The following UBE3C variants were observed in gnomAD, a reference collection of about 807,000 sequenced individuals.
The protein encoded by UBE3C is ubiquitin-protein ligase E3C.
Under a neutral mutation model 129.4 loss-of-function variants are expected in UBE3C, and 42 were observed. The observed-to-expected ratio is 0.32, with a 90% CI of 0.25 to 0.42. The LOEUF (loss-of-function observed/expected upper bound fraction) is 0.42, where lower values mean the gene tolerates loss of function less well. Among genes scored for constraint, UBE3C ranks in the 10% least tolerant of loss-of-function variants. UBE3C has a pLI of 1.00. For synonymous variants in UBE3C, 510 were observed against 492.4 expected (o/e 1.04, Z -0.47); for missense variants, 1,049 against 1,319.1 (o/e 0.80, Z 3.17).
At chr7:157,184,095 C>G in intron 9 of UBE3C, 66 bp downstream of exon 9, 2 of 1,577,280 alleles carry the variant, frequency 1.3e-6, no homozygotes, top group Non-Finnish European at 1.7e-6. Context: ...TTCTAGCTTT[C>G]TGTCCACCCG....
chr7:157,185,486 A>G (rs1808780593), intron 9 of UBE3C, among the ~76,000 whole-genome samples: 1 of 152,050 alleles, frequency 6.6e-6, no homozygotes, highest in Admixed American at 6.5e-5. Flanking sequence ...GGTATTGTCC[A>G]CATTTGGGCT....
At chr7:157,188,306 G>T (rs1052538902) in intron 10 of UBE3C, among the ~76,000 whole-genome samples, 10 of 152,192 alleles carry the variant, frequency 6.6e-5, no homozygotes, top group African/African-American at 2.4e-4. Flanking sequence ...TCTTTGAAAT[G>T]AACTGTAAGT....
intron 1 of UBE3C, among the ~76,000 whole-genome samples, chr7:157,158,050 C>CTTTTTTT (rs60257662): frequency 9.9e-6 from 1 of 101,124 alleles, no homozygotes; most frequent in Non-Finnish European, 1.8e-5. Context: ...CTCTTTTTTC[C>CTTTTTTT]TTTTTTTTTT....
At chr7:157,143,479 C>T (rs897296669) in intron 1 of UBE3C, among the ~76,000 whole-genome samples, 5 of 152,192 alleles carry the variant, frequency 3.3e-5, no homozygotes, top group African/African-American at 1.2e-4. Flanking sequence ...GGGTGCACTC[C>T]CTTCTTCCTG....
intron 17 of UBE3C, among the ~76,000 whole-genome samples, chr7:157,227,310 T>C (rs947727251): frequency 2.6e-5 from 4 of 152,150 alleles, no homozygotes; most frequent in African/African-American, 9.7e-5. Context: ...GCACGGGTGC[T>C]GTGGTCAGGG....
rs71189993 is a variant in UBE3C at position 157,264,296 on chromosome 7, T to TAC, written c.3082-3268_3082-3267dup. ...GTGTAAGCCAACATGCTTGGCCTGT[T>TAC]ACACACACACACACACACACACCTG... On this transcript the variant is annotated intron_variant, in intron 22 of 22. Transcript: ENST00000348165. Among the ~76,000 whole-genome samples, 807 of 111,964 alleles carry TAC rather than the reference T, an allele frequency of 7.2e-3. 18 individuals are homozygous for TAC. Among genetic ancestry groups the TAC allele is most frequent in the Admixed American group, 0.031 (347 of 11,116 alleles). The allele number at this position is 111,964 out of a possible 152,430, so 73.5% of individuals were successfully genotyped here. A position where few individuals can be genotyped will look rare whatever the true frequency, so the allele number is the denominator to read the frequency against.
rs1326521613 is a variant in UBE3C at position 157,185,034 on chromosome 7, AAAG to A, written c.1143+1007_1143+1009del. Among the ~76,000 whole-genome samples the A allele has an allele frequency of 7.9e-5, 12 of 152,360 alleles. No individual in the cohort carries two copies. In the South Asian group the frequency reaches 2.5e-3, roughly 32 times the overall value. ...ATTCATTTTTTTGTATGTTTATAAA[AAAG>A]AGTGGGTTCTGTAGATGGAATGTAG... is the stretch of plus-strand genomic sequence containing the variant. On this transcript the variant is annotated intron_variant, in intron 9 of 22. Coordinates refer to ENST00000348165, the MANE Select transcript of UBE3C (RefSeq NM_014671.3).
At chr7:157,266,435 A>G (rs1444838757) in intron 22 of UBE3C, among the ~76,000 whole-genome samples, 1 of 152,232 alleles carries the variant, frequency 6.6e-6, no homozygotes, top group Non-Finnish European at 1.5e-5. Flanking sequence ...ATAACATCAC[A>G]TAGGTAATGT....
chr7:157,180,003 C>T (rs553551228), intron 6 of UBE3C, among the ~76,000 whole-genome samples: 3 of 152,126 alleles, frequency 2.0e-5, no homozygotes, highest in Admixed American at 6.5e-5. Flanking sequence ...TAAGACTAAG[C>T]GTTTGAGAAT....
intron 22 of UBE3C, among the ~76,000 whole-genome samples, chr7:157,261,887 G>A (rs147332938): frequency 1.5e-4 from 23 of 152,232 alleles, no homozygotes; most frequent in African/African-American, 3.9e-4. Flanking sequence ...GCAAATTCCC[G>A]TTGTACTGTA....
intron 19 of UBE3C, among the ~76,000 whole-genome samples, chr7:157,248,937 C>T (rs557057718): frequency 6.6e-5 from 10 of 152,302 alleles, no homozygotes; most frequent in Admixed American, 1.3e-4. Flanking sequence ...ACTCCTTGCC[C>T]GCTCAGAGCC....
At chr7:157,197,100 G>A (rs1055081385) in intron 10 of UBE3C, among the ~76,000 whole-genome samples, 4 of 152,182 alleles carry the variant, frequency 2.6e-5, no homozygotes, top group African/African-American at 9.7e-5. Context: ...AAAAGGATGT[G>A]TAACATCTTA....
chr7:157,188,823 T>A (rs1808877802), intron 10 of UBE3C: 1 of 412,862 alleles, frequency 2.4e-6, no homozygotes, highest in African/African-American at 2.0e-5. Context: ...AAAAAAGTAT[T>A]TGAAAGATGA....
At position 157,157,983 on chromosome 7, in the gene UBE3C, TATATAG is replaced by T. The variant is rs1372593689; in HGVS notation, c.67-5825_67-5820del. Among the ~76,000 whole-genome samples the T allele has an allele frequency of 2.7e-3, 394 of 143,830 alleles. 6 individuals are homozygous for T. The highest frequency in any genetic ancestry group is 9.8e-3 in the African/African-American group (363 of 36,966). The allele number at this position is 143,830 out of a possible 152,430, so 94.4% of individuals were successfully genotyped here. ...CAACAGATATATATAGATATATATA[TATATAG>T]AGAGAGAGAGAGAGAGATACATATA... On this transcript the variant is annotated intron_variant, in intron 1 of 22. Coordinates refer to ENST00000348165, the MANE Select transcript of UBE3C (RefSeq NM_014671.3).
At chr7:157,263,134 A>T (rs1012953981) in intron 22 of UBE3C, 1 of 152,496 alleles carries the variant, frequency 6.6e-6, no homozygotes, top group African/African-American at 2.4e-5. Context: ...AACGCACTCA[A>T]GCCTCAGCAC....
intron 11 of UBE3C, among the ~76,000 whole-genome samples, chr7:157,204,366 C>G (rs1014248): frequency 0.14 from 19,057 of 139,654 alleles, 3,512 homozygotes; most frequent in African/African-American, 0.42. Flanking sequence ...CCATTGCACT[C>G]CAGCCTGGGT....
chr7:157,220,187 G>C (rs1386030695), intron 14 of UBE3C, among the ~76,000 whole-genome samples: 2 of 152,038 alleles, frequency 1.3e-5, no homozygotes, highest in Non-Finnish European at 2.9e-5. Context: ...TTCCAGCCTG[G>C]GTGACAGAGT....
At chr7:157,238,497 G>A (rs1451211063) in intron 18 of UBE3C, among the ~76,000 whole-genome samples, 1 of 152,114 alleles carries the variant, frequency 6.6e-6, no homozygotes, top group Non-Finnish European at 1.5e-5. Flanking sequence ...GGATGTGTGA[G>A]GACAGGAGAA....
intron 10 of UBE3C, chr7:157,198,530 G>T: frequency 3.1e-6 from 1 of 326,512 alleles, no homozygotes; most frequent in South Asian, 3.0e-5. Context: ...GGCTGTATTT[G>T]TCTTTTTTTT....
Sources: allele counts gnomAD v4.1 joint callset (sites outside exome capture counted in the v4.1 genomes callset), GRCh38; gene constraint gnomAD v4.1.1; transcripts MANE v1.5; gene names NCBI Gene and HGNC (gene_info 2026-07-23, HGNC 2026-07-21).